The following SNTG1 variants were observed in gnomAD, a reference collection of about 807,000 sequenced individuals.
SNTG1 encodes gamma-1-syntrophin.
Under a neutral mutation model 74.7 loss-of-function variants are expected in SNTG1, and 39 were observed. That is an observed-to-expected ratio of 0.52 (90% CI 0.40 to 0.68). SNTG1 has a LOEUF of 0.68. SNTG1 is among the 30% of genes least tolerant of loss of function. SNTG1 has a pLI of 0.00. For synonymous variants in SNTG1, 254 were observed against 217.1 expected (o/e 1.17, Z -1.49); for missense variants, 685 against 609.5 (o/e 1.12, Z -1.30).
At chr8:50,765,870 A>G (rs1210614288) in intron 18 of SNTG1, among the ~76,000 whole-genome samples, 2 of 152,002 alleles carry the variant, frequency 1.3e-5, no homozygotes, top group African/African-American at 2.4e-5. Context: ...CTATAATGCA[A>G]TGCCTAGATT....
At chr8:50,490,302 G>A (rs2093839853) in intron 8 of SNTG1, among the ~76,000 whole-genome samples, 1 of 152,064 alleles carries the variant, frequency 6.6e-6, no homozygotes, top group African/African-American at 2.4e-5. Context: ...TTCTAATTCT[G>A]TGAAGAAAGT....
At chr8:50,150,871 T>C (rs952933147) in intron 1 of SNTG1, among the ~76,000 whole-genome samples, 2 of 152,232 alleles carry the variant, frequency 1.3e-5, no homozygotes, top group African/African-American at 4.8e-5. Context: ...TCTAAAATTC[T>C]CTTTTTTGTT....
intron 2 of SNTG1, among the ~76,000 whole-genome samples, chr8:50,322,073 A>G (rs1442694718): frequency 6.6e-6 from 1 of 151,362 alleles, no homozygotes; most frequent in East Asian, 2.0e-4. Flanking sequence ...GCTTATTAAC[A>G]TCTTTTTTTT....
chr8:49,997,782 T>C (rs951525919), intron 1 of SNTG1, among the ~76,000 whole-genome samples: 1 of 152,178 alleles, frequency 6.6e-6, no homozygotes, highest in African/African-American at 2.4e-5. Context: ...CTTGAGATCT[T>C]GTAGTGTCTC....
At chr8:50,576,402 G>T (rs926133331) in intron 12 of SNTG1, among the ~76,000 whole-genome samples, 2 of 152,116 alleles carry the variant, frequency 1.3e-5, no homozygotes, top group African/African-American at 4.8e-5. Context: ...AGAAATACGT[G>T]TTCTCTGGTA....
At chr8:49,964,783 G>A (rs183735407) in intron 1 of SNTG1, among the ~76,000 whole-genome samples, 1 of 152,002 alleles carries the variant, frequency 6.6e-6, no homozygotes, top group Non-Finnish European at 1.5e-5. Flanking sequence ...ATGATAGTAG[G>A]TATTCATTAG....
chr8:50,400,549 G>C (rs900792577), intron 3 of SNTG1, among the ~76,000 whole-genome samples: 1 of 152,084 alleles, frequency 6.6e-6, no homozygotes, highest in Non-Finnish European at 1.5e-5. Context: ...TGCTGGATCA[G>C]TTTTTAATTT....
At chr8:50,552,970 C>T in intron 11 of SNTG1, 80 bp from the exon 12 acceptor site, 1 of 1,527,934 alleles carries the variant, frequency 6.5e-7, no homozygotes, top group Non-Finnish European at 8.9e-7. Context: ...GAAAGATAAG[C>T]TTTTCAACAG....
intron 12 of SNTG1, among the ~76,000 whole-genome samples, chr8:50,571,168 G>A (rs1054812064): frequency 2.6e-5 from 4 of 152,104 alleles, no homozygotes; most frequent in Admixed American, 6.6e-5. Flanking sequence ...AGCTATTAGC[G>A]TTTCAGCAGC....
intron 2 of SNTG1, among the ~76,000 whole-genome samples, chr8:50,290,478 C>T (rs1194395736): frequency 2.0e-5 from 3 of 152,114 alleles, no homozygotes; most frequent in Admixed American, 6.6e-5. Flanking sequence ...GGAAACATCA[C>T]TGTTTAGGTT....
chr8:50,304,942 G>A (rs2089817581), intron 2 of SNTG1, among the ~76,000 whole-genome samples: 1 of 151,616 alleles, frequency 6.6e-6, no homozygotes, highest in Admixed American at 6.6e-5. Context: ...CTCTCTTTTT[G>A]CCCATGCTGG....
chr8:50,434,807 A>G (rs2093283274), intron 4 of SNTG1, among the ~76,000 whole-genome samples: 1 of 152,154 alleles, frequency 6.6e-6, no homozygotes, highest in Non-Finnish European at 1.5e-5. Context: ...AAGAACTATT[A>G]ACATTCTCTA....
chr8:50,381,981 G>A (rs549832372), intron 2 of SNTG1: 2 of 151,252 alleles, frequency 1.3e-5, no homozygotes, highest in African/African-American at 4.9e-5. Context: ...GATGTCTGAG[G>A]GCAGGAAGCA....
At chr8:50,383,571 T>C (rs1363262022) in intron 2 of SNTG1, among the ~76,000 whole-genome samples, 1 of 152,188 alleles carries the variant, frequency 6.6e-6, no homozygotes, top group Non-Finnish European at 1.5e-5. Flanking sequence ...TTGGTAGTAA[T>C]AACCGCCTTT....
intron 2 of SNTG1, among the ~76,000 whole-genome samples, chr8:50,264,271 A>T (rs2087340075): frequency 6.6e-6 from 1 of 152,178 alleles, no homozygotes; most frequent in Non-Finnish European, 1.5e-5. Context: ...TTTTATCTTA[A>T]GAAACCAGAA....
At chr8:50,252,505 T>A (rs2086687459) in intron 2 of SNTG1, among the ~76,000 whole-genome samples, 1 of 151,956 alleles carries the variant, frequency 6.6e-6, no homozygotes, top group African/African-American at 2.4e-5. Flanking sequence ...ATAAATAAAA[T>A]CAGAGATAAA....
intron 1 of SNTG1, among the ~76,000 whole-genome samples, chr8:49,951,873 CAAAAAAAA>C (rs5891338): frequency 8.9e-5 from 5 of 56,266 alleles, no homozygotes; most frequent in African/African-American, 2.3e-4. Context: ...GGAAAATTCA[CAAAAAAAA>C]AAAAAAAAAA....
chr8:49,924,774 C>T (rs999266561), intron 1 of SNTG1, among the ~76,000 whole-genome samples: 1 of 151,490 alleles, frequency 6.6e-6, no homozygotes, highest in Non-Finnish European at 1.5e-5. Flanking sequence ...ATCTAGGATG[C>T]TGAGAAACAA....
chr8:50,250,155 G>A (rs1261996631), intron 2 of SNTG1, among the ~76,000 whole-genome samples: 1 of 151,648 alleles, frequency 6.6e-6, no homozygotes, highest in Non-Finnish European at 1.5e-5. Flanking sequence ...TGGAGCTGAA[G>A]AATTTAACAA....
Sources: allele counts gnomAD v4.1 joint callset (sites outside exome capture counted in the v4.1 genomes callset), GRCh38; gene constraint gnomAD v4.1.1; transcripts MANE v1.5; gene names NCBI Gene and HGNC (gene_info 2026-07-23, HGNC 2026-07-21).